Variants in IL1RAPL2 observed in about 807,000 individuals in gnomAD.
IL1RAPL2 encodes interleukin 1 receptor accessory protein like 2.
A neutral mutation model predicts 44.1 loss-of-function variants in IL1RAPL2; 3 were observed. The observed-to-expected ratio is 0.07, with a 90% CI of 0.03 to 0.18. The LOEUF is 0.18. Among genes scored for constraint, IL1RAPL2 ranks in the 10% least tolerant of loss-of-function variants. The pLI, the probability that IL1RAPL2 is intolerant of heterozygous loss-of-function variation, is 1.00. For synonymous variants in IL1RAPL2, 181 were observed against 178.8 expected (o/e 1.01, Z -0.10); for missense variants, 391 against 496.4 (o/e 0.79, Z 2.02).
At chrX:104,797,199 CCCG>C (rs1330682649) in intron 2 of IL1RAPL2, among the ~76,000 whole-genome samples, 1 of 45,445 alleles carries the variant, frequency 2.2e-5, no homozygotes, top group African/African-American at 8.7e-5. Context: ...CCCCCCCCCC[CCCG>C]CAAAGTAATG....
At chrX:104,788,725 A>T (rs748709850) in intron 2 of IL1RAPL2, among the ~76,000 whole-genome samples, 1 of 112,045 alleles carries the variant, frequency 8.9e-6, no homozygotes, top group African/African-American at 3.2e-5. Context: ...GAGACTTCCA[A>T]TCTTAATAGG....
intron 2 of IL1RAPL2, among the ~76,000 whole-genome samples, chrX:104,706,933 C>G (rs993947202): frequency 9.0e-6 from 1 of 110,803 alleles, no homozygotes; most frequent in East Asian, 2.9e-4. Flanking sequence ...GTACATGTAC[C>G]CTTTTAGAAT....
At chrX:104,956,802 G>A (rs2029910982) in intron 2 of IL1RAPL2, among the ~76,000 whole-genome samples, 3 of 111,425 alleles carry the variant, frequency 2.7e-5, no homozygotes, top group South Asian at 3.8e-4. Context: ...CTCACTAAGA[G>A]CAGTTCTGGT....
At chrX:105,033,438 G>C (rs143757848) in intron 2 of IL1RAPL2, among the ~76,000 whole-genome samples, 6,992 of 110,937 alleles carry the variant, frequency 0.063, 595 homozygotes, top group African/African-American at 0.22. Flanking sequence ...AAATCTCTCA[G>C]CATTTGCTTC....
chrX:104,676,529 A>T (rs1930762152), intron 2 of IL1RAPL2, among the ~76,000 whole-genome samples: 1 of 111,724 alleles, frequency 9.0e-6, no homozygotes, highest in Admixed American at 9.5e-5. Context: ...GGCTGCCCTT[A>T]ACATTTTTTC....
At chrX:105,563,308 T>C (rs1288161333) in intron 6 of IL1RAPL2, among the ~76,000 whole-genome samples, 3 of 111,556 alleles carry the variant, frequency 2.7e-5, no homozygotes, top group Non-Finnish European at 5.7e-5. Flanking sequence ...GAGTTTGAAC[T>C]CAACTAGTCT....
chrX:105,162,235 C>G (rs888455770), intron 2 of IL1RAPL2, among the ~76,000 whole-genome samples: 1 of 112,164 alleles, frequency 8.9e-6, no homozygotes, highest in African/African-American at 3.2e-5. Flanking sequence ...CGTGAACTCT[C>G]TGTCTACCAT....
intron 6 of IL1RAPL2, among the ~76,000 whole-genome samples, chrX:105,531,411 C>T (rs1050766689): frequency 2.7e-5 from 3 of 111,546 alleles, no homozygotes; most frequent in African/African-American, 9.8e-5. Flanking sequence ...ATAGGTTTTT[C>T]CCCATAGAAT....
chrX:105,304,588 A>G (rs2034720830), intron 5 of IL1RAPL2, among the ~76,000 whole-genome samples: 1 of 112,048 alleles, frequency 8.9e-6, no homozygotes. Context: ...AATCCTACCT[A>G]TAGAAACAAG....
chrX:105,016,931 A>G (rs1026563615), intron 2 of IL1RAPL2, among the ~76,000 whole-genome samples: 2 of 111,312 alleles, frequency 1.8e-5, no homozygotes, highest in Admixed American at 1.9e-4. Flanking sequence ...TTGGCTGTGA[A>G]TCTGTCCGGT....
chrX:105,463,308 G>C (rs2036105332), intron 5 of IL1RAPL2, among the ~76,000 whole-genome samples: 2 of 110,728 alleles, frequency 1.8e-5, no homozygotes, highest in South Asian at 7.7e-4. Context: ...GATGCAAACA[G>C]TGTGGACCCT....
intron 2 of IL1RAPL2, among the ~76,000 whole-genome samples, chrX:104,735,725 T>C (rs1460019738): frequency 9.0e-6 from 1 of 111,318 alleles, no homozygotes; most frequent in Non-Finnish European, 1.9e-5. Context: ...TTGTTCAGGA[T>C]AGAAGTTTGC....
chrX:105,389,061 T>C (rs756637590), intron 5 of IL1RAPL2, among the ~76,000 whole-genome samples: 1 of 112,183 alleles, frequency 8.9e-6, no homozygotes, highest in South Asian at 3.7e-4. Context: ...TACTTAGTTT[T>C]GTAGAAGATT....
chrX:105,529,838 T>C (rs1156981637), intron 6 of IL1RAPL2, among the ~76,000 whole-genome samples: 1 of 112,184 alleles, frequency 8.9e-6, no homozygotes, highest in Admixed American at 9.5e-5. Flanking sequence ...TGGCTGATTT[T>C]ACTTAGGATG....
At chrX:104,938,037 G>A (rs764266587) in intron 2 of IL1RAPL2, among the ~76,000 whole-genome samples, 2 of 112,442 alleles carry the variant, frequency 1.8e-5, no homozygotes, top group African/African-American at 3.2e-5. Flanking sequence ...TATTTGATTT[G>A]TGATATCTGG....
At chrX:105,222,644 A>G (rs782377533) in intron 3 of IL1RAPL2, among the ~76,000 whole-genome samples, 1 of 111,908 alleles carries the variant, frequency 8.9e-6, no homozygotes, top group South Asian at 3.8e-4. Flanking sequence ...GAAGTAAACT[A>G]AAGCAGTGGA....
intron 2 of IL1RAPL2, among the ~76,000 whole-genome samples, chrX:105,067,302 A>T (rs1383517597): frequency 1.8e-5 from 2 of 110,082 alleles, no homozygotes; most frequent in Admixed American, 1.9e-4. Flanking sequence ...TCTCCTTTCC[A>T]CCTATGCTGG....
chrX:105,302,555 G>A (rs766634599), intron 5 of IL1RAPL2, among the ~76,000 whole-genome samples: 2 of 111,990 alleles, frequency 1.8e-5, no homozygotes, highest in Non-Finnish European at 3.8e-5. Flanking sequence ...GCTAGGGCAT[G>A]GAATGGGGGC....
intron 2 of IL1RAPL2, among the ~76,000 whole-genome samples, chrX:104,800,550 T>A (rs1217597236): frequency 1.8e-5 from 2 of 112,301 alleles, no homozygotes; most frequent in Non-Finnish European, 3.8e-5. Flanking sequence ...TCCAATCTAA[T>A]CTATGTAGAT....
Sources: gnomAD v4.1 joint callset for allele counts (sites outside exome capture counted in the v4.1 genomes callset) on GRCh38, gnomAD v4.1.1 for gene constraint, MANE v1.5 for transcripts, NCBI Gene and HGNC (gene_info 2026-07-23, HGNC 2026-07-21) for gene names.